Variants in GPC6 observed in about 807,000 individuals in gnomAD.
GPC6 encodes glypican 6, also known as glypican-6.
A neutral mutation model predicts 55.2 loss-of-function variants in GPC6; 14 were observed. The observed-to-expected ratio is 0.25, with a 90% confidence interval of 0.17 to 0.40. The LOEUF (loss-of-function observed/expected upper bound fraction) is 0.40. GPC6 is among the 10% of genes least tolerant of loss of function. GPC6 has a pLI of 1.00. For synonymous variants in GPC6, 278 were observed against 259.6 expected, an observed-to-expected ratio of 1.07 and a Z score of -0.68; for missense variants, 641 against 708.5, an observed-to-expected ratio of 0.90 and a Z score of 1.08.
intron 4 of GPC6, among the ~76,000 whole-genome samples, chr13:94,166,092 A>G (rs1888359210): frequency 6.6e-6 from 1 of 152,124 alleles, no homozygotes; most frequent in Non-Finnish European, 1.5e-5. Flanking sequence ...AATTGATGTG[A>G]ATGTGAGACC....
chr13:94,194,030 T>G (rs1375104315), intron 4 of GPC6, among the ~76,000 whole-genome samples: 2 of 152,312 alleles, frequency 1.3e-5, no homozygotes, highest in African/African-American at 4.8e-5. Flanking sequence ...ATGATTACTT[T>G]GATGTATGGG....
intron 2 of GPC6, among the ~76,000 whole-genome samples, chr13:93,550,576 T>A (rs984817230): frequency 4.6e-5 from 7 of 152,180 alleles, no homozygotes; most frequent in Non-Finnish European, 1.0e-4. Context: ...TTATATACAA[T>A]GACATAATAT....
At chr13:94,274,791 G>A (rs1892151882) in intron 4 of GPC6, among the ~76,000 whole-genome samples, 3 of 151,036 alleles carry the variant, frequency 2.0e-5, no homozygotes, top group African/African-American at 7.3e-5. Context: ...ACCTCTGACA[G>A]AAGCAAAAGC....
chr13:94,082,826 C>T (rs1306401667), intron 4 of GPC6, among the ~76,000 whole-genome samples: 1 of 152,204 alleles, frequency 6.6e-6, no homozygotes, highest in Non-Finnish European at 1.5e-5. Flanking sequence ...TAGACCCATC[C>T]TGTAAACAGT....
chr13:93,734,542 G>T (rs143577569), intron 2 of GPC6, among the ~76,000 whole-genome samples: 1 of 152,266 alleles, frequency 6.6e-6, no homozygotes, highest in Non-Finnish European at 1.5e-5. Context: ...TTGGGAGTAA[G>T]AATTTCATTG....
chr13:94,095,389 G>A (rs1328039206), intron 4 of GPC6, among the ~76,000 whole-genome samples: 2 of 152,136 alleles, frequency 1.3e-5, no homozygotes, highest in Non-Finnish European at 2.9e-5. Flanking sequence ...TAATTCTCTA[G>A]TAGCCACATT....
At chr13:93,552,196 A>G (rs191713332) in intron 2 of GPC6, among the ~76,000 whole-genome samples, 50 of 152,354 alleles carry the variant, frequency 3.3e-4, no homozygotes, top group Non-Finnish European at 6.6e-4. Context: ...AAATTAGAGA[A>G]GCAGTCTCAC....
At chr13:94,398,267 A>G (rs1441709890) in intron 7 of GPC6, among the ~76,000 whole-genome samples, 199 bp from the exon 8 acceptor site, 1 of 151,460 alleles carries the variant, frequency 6.6e-6, no homozygotes, top group African/African-American at 2.4e-5. Context: ...GTCTGAGGCT[A>G]TTTTAGCCAC....
chr13:93,812,426 G>A (rs941317021), intron 2 of GPC6, among the ~76,000 whole-genome samples: 1 of 151,852 alleles, frequency 6.6e-6, no homozygotes, highest in Non-Finnish European at 1.5e-5. Flanking sequence ...TTACACACTA[G>A]CCCACATATA....
chr13:93,586,855 T>A (rs887540938), intron 2 of GPC6, among the ~76,000 whole-genome samples: 3 of 152,202 alleles, frequency 2.0e-5, no homozygotes, highest in Non-Finnish European at 4.4e-5. Context: ...AATTTACTAG[T>A]ACTGGTTATT....
At chr13:94,318,087 T>A (rs17175238) in intron 6 of GPC6, among the ~76,000 whole-genome samples, 2,599 of 152,308 alleles carry the variant, frequency 0.017, 38 homozygotes, top group East Asian at 0.066. Context: ...TAGCTCCTAA[T>A]GGCACACATG....
intron 1 of GPC6, among the ~76,000 whole-genome samples, chr13:93,243,197 C>T (rs962224521): frequency 6.6e-6 from 1 of 152,202 alleles, no homozygotes; most frequent in South Asian, 2.1e-4. Flanking sequence ...CTACCCTTTC[C>T]ACAGAATACT....
chr13:94,307,341 C>CGG (rs951410748), intron 6 of GPC6, among the ~76,000 whole-genome samples: 1 of 151,604 alleles, frequency 6.6e-6, no homozygotes, highest in Non-Finnish European at 1.5e-5. Context: ...TCCCTTGAGA[C>CGG]GGGGCTTCAC....
intron 1 of GPC6, among the ~76,000 whole-genome samples, chr13:93,500,494 C>G (rs1267949912): frequency 7.0e-6 from 1 of 143,396 alleles, no homozygotes; most frequent in East Asian, 2.1e-4. Context: ...TGAAAAAACT[C>G]ATTTCTATAT....
chr13:93,219,203 C>T, the GPC6 span, among the ~76,000 whole-genome samples: 2 of 151,746 alleles, frequency 1.3e-5, no homozygotes, highest in African/African-American at 2.4e-5. Context: ...AAGCAATTCT[C>T]CTGCCTTAGC....
intron 4 of GPC6, among the ~76,000 whole-genome samples, chr13:94,073,215 G>A (rs779907345): frequency 2.3e-4 from 35 of 152,056 alleles, no homozygotes; most frequent in Non-Finnish European, 4.7e-4. Flanking sequence ...TAAAGCAGTG[G>A]TTTGATTCTG....
At chr13:94,276,468 A>G (rs1009350441) in intron 4 of GPC6, among the ~76,000 whole-genome samples, 5 of 120,494 alleles carry the variant, frequency 4.1e-5, no homozygotes, top group African/African-American at 1.7e-4. Flanking sequence ...GGCCTTTCTC[A>G]TTTTTATTTT....
intron 1 of GPC6, among the ~76,000 whole-genome samples, chr13:93,435,589 C>T (rs768981302): frequency 2.7e-5 from 4 of 150,846 alleles, no homozygotes; most frequent in Non-Finnish European, 4.4e-5. Context: ...AAACCACCAA[C>T]GAAAGAAACC....
chr13:94,119,248 A>G (rs1566430242), intron 4 of GPC6, among the ~76,000 whole-genome samples: 1 of 151,802 alleles, frequency 6.6e-6, no homozygotes, highest in Non-Finnish European at 1.5e-5. Context: ...CATTCTGGAG[A>G]AAAAAAAGGG....
Sources: gnomAD v4.1 joint callset for allele counts (sites outside exome capture counted in the v4.1 genomes callset) on GRCh38, gnomAD v4.1.1 for gene constraint, MANE v1.5 for transcripts, NCBI Gene and HGNC (gene_info 2026-07-23, HGNC 2026-07-21) for gene names.